Variants in ZP4 observed in about 807,000 individuals in gnomAD.
ZP4 encodes zona pellucida glycoprotein 4.
Under a neutral mutation model 62.3 loss-of-function variants are expected in ZP4, and 62 were observed. The observed-to-expected ratio is 0.99, with a 90% CI of 0.81 to 1.23. The LOEUF is 1.23. ZP4 is among the 50% of genes most tolerant of loss of function. ZP4 has a pLI of 0.00. For synonymous variants in ZP4, 289 were observed against 247.3 expected, an observed-to-expected ratio of 1.17 and a Z score of -1.58; for missense variants, 774 against 656.0, an observed-to-expected ratio of 1.18 and a Z score of -1.97.
chr1:237,884,043 A>ACACAAACAC lies in ZP4; in HGVS notation c.1390+725_1390+726insGTGTTTGTG, dbSNP rs1558531257. Among the ~76,000 whole-genome samples the ACACAAACAC allele has an allele frequency of 1.0e-4, 11 of 104,822 alleles. 1 individual carries two copies. Among genetic ancestry groups the ACACAAACAC allele is most frequent in the African/African-American group, 6.1e-4 (11 of 18,026 alleles). 68.8% of individuals were successfully genotyped at this position (104,822 alleles called of 152,430 possible). ...ACACACACACACACAAACACACACA[A>ACACAAACAC]ACACACACAAACACACACAAACACA... On this transcript the variant is annotated intron_variant, in intron 10 of 11. Transcript: ENST00000366570.
Position 237,882,540 on chromosome 1 carries a change from A to G in ZP4, c.1505T>C (p.Val502Ala). Reference protein sequence around the residue: ...KDPPEKLRVPVDSKVLWVAGL... With the variant: ...KDPPEKLRVPADSKVLWVAGL... The stretch of plus-strand genomic sequence containing the variant: ...TGCCACCCACAGAACTTTCGAGTCT[A>G]CAGGAACACCTGGAGGATGGATGGA... The change falls in exon 12 of 12, where the codon GTA becomes GCA. Residue 502 changes from valine (V) to alanine (A), a missense_variant. Physicochemically the swap from Val to Ala is moderately conservative, Grantham distance 64 (BLOSUM62 0). Coordinates refer to ENST00000366570, the MANE Select transcript of ZP4 (RefSeq NM_021186.5). The G allele has an allele frequency of 6.2e-7, 1 of 1,601,288 alleles. No homozygotes were observed. The highest frequency in any genetic ancestry group is 8.5e-7 in the Non-Finnish European group (1 of 1,175,978).
chr1:237,882,581 A>G, intron 11 of ZP4, 32 bp from the exon 12 acceptor site: 2 of 1,580,742 alleles, frequency 1.3e-6, no homozygotes, highest in Non-Finnish European at 8.6e-7. Context: ...AGGTTAATGT[A>G]TGCTAAAACC....
rs1558530641 is a variant in ZP4 at position 237,883,966 on chromosome 1, A to AC, written c.1390+802_1390+803insG. ...CAGAGCAAGAACTGGTCACACACAC[A>AC]AACACACACACACACAAACACACAC... On this transcript the variant is annotated intron_variant, in intron 10 of 11. Coordinates refer to ENST00000366570, the MANE Select transcript of ZP4 (RefSeq NM_021186.5). Among the ~76,000 whole-genome samples, 375 of 75,422 alleles carry AC rather than the reference A, an allele frequency of 5.0e-3. 11 individuals are homozygous for AC. The highest frequency in any genetic ancestry group is 6.7e-3 in the East Asian group (12 of 1,796). 49.5% of individuals were successfully genotyped at this position (75,422 alleles called of 152,430 possible).
rs765963287 is a variant in ZP4 at position 237,885,596 on chromosome 1, A to G, written c.971-16T>C. ...TAGTTTTTATCTGCAAGAGGCAGAA[A>G]TAAGGATTTGAAGTAGTAATCTCTC... On this transcript the variant is annotated splice_polypyrimidine_tract_variant and intron_variant, in intron 7 of 11. Transcript: ENST00000366570. 3.1e-6 allele frequency: 5 copies of G among 1,610,864 alleles called. No homozygotes were observed. The highest frequency in any genetic ancestry group is 4.2e-6 in the Non-Finnish European group (5 of 1,178,538).
chr1:237,884,052 A>AC lies in ZP4; in HGVS notation c.1390+716_1390+717insG, dbSNP rs1491242676. ...CACACAAACACACACAAACACACAC[A>AC]AACACACACAAACACACACAAACAC... On this transcript the variant is annotated intron_variant, in intron 10 of 11. Transcript: ENST00000366570. Among the ~76,000 whole-genome samples the AC allele has an allele frequency of 1.5e-4, 20 of 135,794 alleles. 1 individual carries two copies. The highest frequency in any genetic ancestry group is 7.0e-4 in the African/African-American group (20 of 28,768). 89.1% of individuals were successfully genotyped at this position (135,794 alleles called of 152,430 possible).
At chr1:237,883,670 AGGGCGGGGG>A (rs1664977475) in intron 10 of ZP4, among the ~76,000 whole-genome samples, 2 of 3,764 alleles carry the variant, frequency 5.3e-4, no homozygotes, top group Non-Finnish European at 1.0e-3. Context: ...GGGCCGGGGG[AGGGCGGGGG>A]AGGGCGGGGG....
In ZP4 at chr1:237,890,757, G is replaced by T; in HGVS notation, c.-122C>A. ...GGCTTGTTTTCAGCTGCACATCTTT[G>T]TGACACTCAGGTGGGATGCCTTCAG... On this transcript the variant is annotated 5_prime_UTR_variant, in exon 1 of 12. Coordinates refer to ENST00000366570, the MANE Select transcript of ZP4 (RefSeq NM_021186.5). The T allele has an allele frequency of 2.6e-6, 3 of 1,149,494 alleles. No individual in the cohort carries two copies. The highest frequency in any genetic ancestry group is 2.4e-6 in the Non-Finnish European group (2 of 827,430). The allele number at this position is 1,149,494 out of a possible 1,614,324, so 71.2% of individuals were successfully genotyped here.
intron 1 of ZP4, 65 bp from the exon 2 acceptor site, chr1:237,890,241 A>G: frequency 6.2e-7 from 1 of 1,609,644 alleles, no homozygotes; most frequent in East Asian, 2.2e-5. Flanking sequence ...AAGGATAGTC[A>G]GCCTTGCCAT....
At chr1:237,886,595 G>A (rs950880007) in intron 6 of ZP4, among the ~76,000 whole-genome samples, 176 bp downstream of exon 6, 3 of 152,126 alleles carry the variant, frequency 2.0e-5, no homozygotes, top group African/African-American at 4.8e-5. Context: ...GGCTTAGGTC[G>A]GGTTGGAGAC....
At chr1:237,885,064 A>G in intron 9 of ZP4, 101 bp downstream of exon 9, 1 of 1,510,364 alleles carries the variant, frequency 6.6e-7, no homozygotes, top group Non-Finnish European at 9.0e-7. Context: ...AATAGCCAGC[A>G]TTAAAGGGCT....
Position 237,887,578 on chromosome 1 carries a change from GT to G in ZP4, c.554-18del. 1 of 1,609,488 alleles carries G rather than the reference GT, an allele frequency of 6.2e-7. No individual in the cohort carries two copies. Among genetic ancestry groups the G allele is most frequent in the Middle Eastern group, 1.7e-4 (1 of 5,854 alleles). On this transcript the variant is annotated intron_variant, in intron 4 of 11. Transcript: ENST00000366570. The stretch of plus-strand genomic sequence containing the variant: ...GCAAGGTCACTGAAACAGAGCAGCT[GT>G]GCTGAAGGCAGGTCATCTCTCCCAT...
chr1:237,882,439 C>A lies in ZP4; in HGVS notation c.1606G>T (p.Asp536Tyr). 1 of 1,610,608 alleles carries A rather than the reference C, an allele frequency of 6.2e-7. No homozygotes were observed. The highest frequency in any genetic ancestry group is 1.1e-5 in the South Asian group (1 of 90,374). The change falls in exon 12 of 12, where the codon GAC becomes TAC. Residue 536 changes from aspartate (D) to tyrosine (Y), a missense_variant. By Grantham distance (160) the Asp-to-Tyr change is radical. Transcript: ENST00000366570. Reference protein sequence around the residue: ...LAVKKQKSCPDQMCQ With the variant: ...LAVKKQKSCPYQMCQ ...CTCTGGTTTTATTGACACATTTGGT[C>A]TGGGCAACTCTTCTGTTTCTTGACA...
chr1:237,890,827 C>A lies in ZP4; in HGVS notation c.-192G>T. 1.9e-6 allele frequency: 1 copy of A among 538,384 alleles called. No homozygotes were observed. The highest frequency in any genetic ancestry group is 3.2e-6 in the Non-Finnish European group (1 of 311,594). The allele number at this position is 538,384 out of a possible 1,614,324, so 33.4% of individuals were successfully genotyped here. ...CTCATTTGCTTTGGGGCACAGTCTGCAGCTGCCTCACATTAAATACCACAA... is the reference window on the plus strand; with the variant it reads ...CTCATTTGCTTTGGGGCACAGTCTGAAGCTGCCTCACATTAAATACCACAA... On this transcript the variant is annotated 5_prime_UTR_variant, in exon 1 of 12. Coordinates refer to ENST00000366570, the MANE Select transcript of ZP4 (RefSeq NM_021186.5).
rs1317057398 is a variant in ZP4, at chr1:237,883,722, G to A, written c.1391-876C>T. ...GGGAGGGCGGGGGAGGGCGGGGGAG[G>A]GCGGGGGAGGGAGAGAGAGGGAGAG... is the stretch of plus-strand genomic sequence containing the variant. On this transcript the variant is annotated intron_variant, in intron 10 of 11. Transcript: ENST00000366570. Among the ~76,000 whole-genome samples the A allele has an allele frequency of 1.6e-3, 98 of 59,784 alleles. 4 individuals are homozygous for A. Among genetic ancestry groups the A allele is most frequent in the African/African-American group, 4.8e-3 (63 of 13,094 alleles). 39.2% of individuals were successfully genotyped at this position (59,784 alleles called of 152,430 possible). A position where few individuals can be genotyped will look rare whatever the true frequency, so the allele number is the denominator to read the frequency against.
At chr1:237,885,646 T>C in intron 7 of ZP4, 66 bp from the exon 8 acceptor site, 1 of 1,595,574 alleles carries the variant, frequency 6.3e-7, no homozygotes, top group Non-Finnish European at 8.5e-7. Context: ...CTGTCACCCC[T>C]TTAAATAGCC....
intron 6 of ZP4, 129 bp from the exon 7 acceptor site, chr1:237,886,015 C>A (rs973425066): frequency 2.3e-6 from 3 of 1,291,736 alleles, no homozygotes. Context: ...GTGGTTCCTG[C>A]CCTGCTGGGA....
chr1:237,884,993 G>A, intron 9 of ZP4, 146 bp from the exon 10 acceptor site: 3 of 1,199,010 alleles, frequency 2.5e-6, no homozygotes, highest in Admixed American at 4.3e-5. Flanking sequence ...TAAGGAACTG[G>A]AGTCCAGTTG....
intron 11 of ZP4, 69 bp from the exon 12 acceptor site, chr1:237,882,618 T>C: frequency 6.4e-7 from 1 of 1,571,916 alleles, no homozygotes; most frequent in Non-Finnish European, 8.6e-7. Context: ...TGACAAAGAC[T>C]AGCAGTCTTC....
In ZP4 at chr1:237,882,501, G is replaced by T. The variant is rs147398359; in HGVS notation, c.1544C>A (p.Thr515Asn). ...KVLWVAGLSG[T>N]LILGALLVSY... ...TACTAACAAGGCTCCAAGGATTAAG[G>T]TCCCAGAAAGGCCTGCCACCCACAG... Residue 515 changes from threonine to asparagine, a missense_variant, in exon 12 of 12, where the codon ACC becomes AAC. Physicochemically the swap from Thr to Asn is moderately conservative, Grantham distance 65. Coordinates refer to ENST00000366570, the MANE Select transcript of ZP4 (RefSeq NM_021186.5). 6.2e-7 allele frequency: 1 copy of T among 1,608,032 alleles called. No homozygotes were observed. Among genetic ancestry groups the T allele is most frequent in the African/African-American group, 1.3e-5 (1 of 74,338 alleles).
Sources: allele counts gnomAD v4.1 joint callset (sites outside exome capture counted in the v4.1 genomes callset), GRCh38; gene constraint gnomAD v4.1.1; transcripts MANE v1.5; gene names NCBI Gene and HGNC (gene_info 2026-07-23, HGNC 2026-07-21).